The following RNF123 variants were observed in gnomAD, a reference collection of about 807,000 sequenced individuals.
RNF123 encodes the protein E3 ubiquitin-protein ligase RNF123.
Under a neutral mutation model 168.5 loss-of-function variants are expected in RNF123, and 86 were observed. The observed-to-expected ratio is 0.51, with a 90% CI of 0.43 to 0.61. The LOEUF (loss-of-function observed/expected upper bound fraction) is 0.61. Ranked by LOEUF, RNF123 falls within the 20% of genes least tolerant of loss-of-function variation. The pLI, the probability that RNF123 is intolerant of heterozygous loss-of-function variation, is 0.00. For missense variants in RNF123, 1,419 were observed against 1,729.7 expected, an observed-to-expected ratio of 0.82 and a Z score of 3.19; for synonymous variants, 666 against 689.1, an observed-to-expected ratio of 0.97 and a Z score of 0.52.
Position 49,699,392 on chromosome 3 carries a change from G to A in RNF123, c.765-76G>A. Reference sequence around the variant, plus strand: ...CCCTGCCCTAGAGCCCAGGCCCCGGGGTGGGGGGTGGGCAGTGGAGAGGGA... The same window carrying A: ...CCCTGCCCTAGAGCCCAGGCCCCGGAGTGGGGGGTGGGCAGTGGAGAGGGA... On this transcript the variant is annotated intron_variant, in intron 10 of 38. Coordinates refer to ENST00000327697, the MANE Select transcript of RNF123 (RefSeq NM_022064.5). This position sits in a 1 kb window ranked among gnomAD's most constrained non-coding sequence, Gnocchi z 4.8. 7.7e-7 allele frequency: 1 copy of A among 1,293,004 alleles called. No individual in the cohort carries two copies. The allele number at this position is 1,293,004 out of a possible 1,614,324, so 80.1% of individuals were successfully genotyped here. A position where few individuals can be genotyped will look rare whatever the true frequency, so the allele number is the denominator to read the frequency against.
rs772813932 is a variant in RNF123 at position 49,718,063 on chromosome 3, A to G, written c.3500+1586A>G. On this transcript the variant is annotated intron_variant, in intron 35 of 38. Coordinates refer to ENST00000327697, the MANE Select transcript of RNF123 (RefSeq NM_022064.5). The stretch of plus-strand genomic sequence containing the variant: ...GAATTCCTCAGCTACTGCCAGCTGC[A>G]CGCGGCCATTGAGGCCCCTCCGGCC... The G allele has an allele frequency of 9.9e-6, 16 of 1,613,628 alleles. 1 individual carries two copies. The South Asian group carries it at 1.8e-4, about 18-fold the overall frequency.
intron 35 of RNF123, chr3:49,718,963 T>G: frequency 6.2e-7 from 1 of 1,613,692 alleles, no homozygotes; most frequent in Non-Finnish European, 8.5e-7. Flanking sequence ...CGAGGCGAGT[T>G]CGTTGCAGCC....
At chr3:49,706,951 C>A in intron 26 of RNF123, 53 bp downstream of exon 26, 1 of 1,515,332 alleles carries the variant, frequency 6.6e-7, no homozygotes, top group Non-Finnish European at 9.2e-7. Context: ...GGCCACGGGT[C>A]TAGCAAGATT....
chr3:49,690,629 G>C (rs1157095220), intron 1 of RNF123, among the ~76,000 whole-genome samples: 2 of 152,266 alleles, frequency 1.3e-5, no homozygotes, highest in Non-Finnish European at 2.9e-5. Context: ...ACCCAGGGCT[G>C]AGGAAAGAGG....
intron 35 of RNF123, 199 bp from the exon 36 acceptor site, chr3:49,720,312 C>T (rs2080369726): frequency 2.3e-6 from 1 of 434,054 alleles, no homozygotes; most frequent in Non-Finnish European, 3.9e-6. Flanking sequence ...CGAGACTCGT[C>T]TCAAGAAAAA....
intron 7 of RNF123, 90 bp from the exon 8 acceptor site, chr3:49,698,350 G>A (rs2054309647): frequency 2.7e-6 from 3 of 1,119,658 alleles, no homozygotes; most frequent in Non-Finnish European, 4.1e-6. Flanking sequence ...CCCTTCTGTA[G>A]AGCCATATGC....
chr3:49,702,695 C>G lies in RNF123; in HGVS notation c.1692C>G (p.Ala564=). The change falls in exon 20 of 39, where the codon GCC becomes GCG. Residue 564 remains alanine, a synonymous_variant. Transcript: ENST00000327697. ...GCTTCTTACACCGGCTGATCTCTGC[C>G]CTGCGCTACTATTGGGATGAATACA... ...MVCFLHRLIS[A]LRYYWDEYKA... is the part of the protein sequence containing the mutation. The G allele has an allele frequency of 6.2e-7, 1 of 1,614,212 alleles. No homozygotes were observed. The highest frequency in any genetic ancestry group is 1.3e-5 in the African/African-American group (1 of 75,042).
chr3:49,716,754 G>A (rs573039614), intron 35 of RNF123: 36 of 437,134 alleles, frequency 8.2e-5, no homozygotes, highest in African/African-American at 5.1e-4. Context: ...TGGGAGGCAG[G>A]ACTCCGGAGG....
In RNF123 at chr3:49,697,585, C is replaced by A. The variant is rs1450569366; in HGVS notation, c.342+128C>A. The A allele has an allele frequency of 5.4e-6, 4 of 743,630 alleles. No homozygotes were observed. The Admixed American group carries it at 1.2e-4, about 21-fold the overall frequency. The allele number at this position is 743,630 out of a possible 1,614,324, so 46.1% of individuals were successfully genotyped here. On this transcript the variant is annotated intron_variant, in intron 5 of 38. Transcript: ENST00000327697. ...GCAGCCAAAACTTGTCCTGACGTGGCCCCAGACCATTGTGTTCTCAGTCCT... is the reference window on the plus strand; with the variant it reads ...GCAGCCAAAACTTGTCCTGACGTGGACCCAGACCATTGTGTTCTCAGTCCT...
At chr3:49,708,882 C>A (rs936349268) in intron 26 of RNF123, among the ~76,000 whole-genome samples, 1 of 152,064 alleles carries the variant, frequency 6.6e-6, no homozygotes, top group Admixed American at 6.5e-5. Flanking sequence ...TCTTTGAGAC[C>A]CTAATTTCAA....
intron 26 of RNF123, among the ~76,000 whole-genome samples, chr3:49,710,992 G>A (rs753695834): frequency 1.3e-5 from 2 of 152,244 alleles, no homozygotes; most frequent in Middle Eastern, 3.4e-3. Flanking sequence ...CAGCACTTTG[G>A]GAGGCTGAAG....
Position 49,706,190 on chromosome 3 carries a change from C to T in RNF123, c.2388+125C>T, listed in dbSNP as rs1559680403. 1.7e-5 allele frequency: 14 copies of T among 839,398 alleles called. No homozygotes were observed. The South Asian group carries it at 2.1e-4, about 13-fold the overall frequency. 52.0% of individuals were successfully genotyped at this position (839,398 alleles called of 1,614,324 possible). On this transcript the variant is annotated intron_variant, in intron 25 of 38. Coordinates refer to ENST00000327697, the MANE Select transcript of RNF123 (RefSeq NM_022064.5). ...CCACTCTAGCCCTGGCCATAGCACG[C>T]CAGTGAGAGTGGGGCTGGCAGCAAG...
In RNF123 at chr3:49,704,993, C is replaced by T; in HGVS notation, c.1969C>T (p.Gln657Ter). 6.2e-7 allele frequency: 1 copy of T among 1,605,094 alleles called. No homozygotes were observed. Among genetic ancestry groups the T allele is most frequent in the Non-Finnish European group, 8.5e-7 (1 of 1,176,884 alleles). ...PAPAMAQRPM[Q>*]ALAVGGPLPL... ...CCTTTCTTCACTGCAGCGCCCCATG[C>T]AGGCCCTGGCTGTTGGGGGGCCACT... Residue 657 changes from glutamine (Q) to a stop codon, truncating the protein, a stop_gained, in exon 23 of 39, where the codon CAG becomes TAG. Transcript: ENST00000327697. LOFTEE classifies it high-confidence loss of function.
At chr3:49,712,822 C>T in intron 27 of RNF123, 166 bp downstream of exon 27, 3 of 794,866 alleles carry the variant, frequency 3.8e-6, no homozygotes, top group Non-Finnish European at 6.4e-6. Context: ...AACGTCTGCA[C>T]CCTGCCCTGG....
In RNF123 at chr3:49,705,030, G is replaced by T. The variant is rs372415898; in HGVS notation, c.2006G>T (p.Arg669Leu). Residue 669 changes from arginine to leucine, a missense_variant, in exon 23 of 39, where the codon CGG (arginine) becomes CTG (leucine). This residue lies in a region of RNF123 where 538 missense variants were observed against 708.8 expected (regional missense o/e 0.76). Transcript: ENST00000327697. ...LAVGGPLPLP[R>L]PGWLSSPTLG... The stretch of plus-strand genomic sequence containing the variant: ...GTTGGGGGGCCACTGCCCCTGCCCC[G>T]GCCCGGCTGGCTCAGTTCTCCAACT... 2 of 1,609,788 alleles carry T rather than the reference G, an allele frequency of 1.2e-6. No homozygotes were observed. Among genetic ancestry groups the T allele is most frequent in the East Asian group, 4.5e-5 (2 of 44,768 alleles).
intron 35 of RNF123, chr3:49,718,498 C>T: frequency 6.2e-7 from 1 of 1,613,142 alleles, no homozygotes; most frequent in Non-Finnish European, 8.5e-7. Context: ...ATCGCGGGAT[C>T]CTGGCGCCCT....
chr3:49,697,987 G>A, intron 6 of RNF123, 48 bp downstream of exon 6: 1 of 1,613,480 alleles, frequency 6.2e-7, no homozygotes, highest in Non-Finnish European at 8.5e-7. Context: ...GAAAGTTTAA[G>A]GGCCCAGGCA....
intron 31 of RNF123, among the ~76,000 whole-genome samples, chr3:49,714,974 G>C (rs1017615355): frequency 1.3e-5 from 2 of 152,260 alleles, no homozygotes; most frequent in Non-Finnish European, 2.9e-5. Context: ...GTGGAGAGCG[G>C]CAGTGGGGCC....
At position 49,718,618 on chromosome 3, in the gene RNF123, C is replaced by A. The variant is rs1373330531; in HGVS notation, c.3501-1893C>A. On this transcript the variant is annotated intron_variant, in intron 35 of 38. Transcript: ENST00000327697. ...CAGCGCGTACAGGTGCTCTTCCGGC[C>A]GCTCTAGGCCAAGAGCTGGGGCCGA... The A allele has an allele frequency of 2.5e-6, 4 of 1,612,986 alleles. No individual in the cohort carries two copies. Among genetic ancestry groups the A allele is most frequent in the Non-Finnish European group, 3.4e-6 (4 of 1,179,946 alleles).
Sources: allele counts gnomAD v4.1 joint callset (sites outside exome capture counted in the v4.1 genomes callset), GRCh38; gene constraint gnomAD v4.1.1; regional missense constraint gnomAD v4.1.1; non-coding constraint Gnocchi (gnomAD v3.1); transcripts MANE v1.5; gene names NCBI Gene and HGNC (gene_info 2026-07-23, HGNC 2026-07-21).